The following AJAP1 variants were observed in gnomAD, a reference collection of about 807,000 sequenced individuals.
AJAP1 encodes the protein adherens junctions associated protein 1.
In AJAP1, 5 loss-of-function variants were observed where a neutral mutation model predicts 35.0. The ratio of observed to expected loss-of-function variants is 0.14; its 90% CI spans 0.07 to 0.30. AJAP1 has a LOEUF of 0.30. AJAP1 is among the 10% of genes least tolerant of loss of function. The probability of loss-of-function intolerance (pLI) is 1.00; values close to 1 mark genes in which losing one functional copy is unlikely to be tolerated. For synonymous variants in AJAP1, 284 were observed against 249.3 expected, an observed-to-expected ratio of 1.14 and a Z score of -1.31; for missense variants, 586 against 571.0, an observed-to-expected ratio of 1.03 and a Z score of -0.27.
At position 4,787,776 on chromosome 1, in the gene AJAP1, T is replaced by G; in HGVS notation, c.*5291T>G. 1 of 454,954 alleles carries G rather than the reference T, an allele frequency of 2.2e-6. No homozygotes were observed. Among genetic ancestry groups the G allele is most frequent in the South Asian group, 1.6e-5 (1 of 64,386 alleles). 28.2% of individuals were successfully genotyped at this position (454,954 alleles called of 1,614,324 possible). On this transcript the variant is annotated 3_prime_UTR_variant, in exon 6 of 6. Transcript: ENST00000378191. ...GATAAGGGGGTTCAACGTCAGCGAC[T>G]TGGCCCACGGGGCACGGGCACCTTG...
At position 4,705,683 on chromosome 1, in the gene AJAP1, C is replaced by T. The variant is rs544863167; in HGVS notation, c.30-6217C>T. ...AAGGCCGGTCTCATCACGGGACACA[C>T]TTCAGACCAATCAATCAATGAAGAG... On this transcript the variant is annotated intron_variant, in intron 1 of 5. Coordinates refer to ENST00000378191, the MANE Select transcript of AJAP1 (RefSeq NM_018836.4). Among the ~76,000 whole-genome samples, 13 of 152,086 alleles carry T rather than the reference C, an allele frequency of 8.5e-5. 1 individual carries two copies. The East Asian group carries it at 2.5e-3, about 30-fold the overall frequency.
At chr1:4,659,600 C>T (rs932375426) in intron 1 of AJAP1, among the ~76,000 whole-genome samples, 1 of 152,136 alleles carries the variant, frequency 6.6e-6, no homozygotes, top group Non-Finnish European at 1.5e-5. Context: ...TTGGGCGTGT[C>T]CCCAAGTACA....
chr1:4,720,407 A>G lies in AJAP1; in HGVS notation c.829+7708A>G, dbSNP rs1259317782. Among the ~76,000 whole-genome samples the G allele has an allele frequency of 1.3e-5, 2 of 152,214 alleles. No homozygotes were observed. Among genetic ancestry groups the G allele is most frequent in the Non-Finnish European group, 2.9e-5 (2 of 68,042 alleles). ...GTTTGTTGGAGGAACAGAGAGGCTG[A>G]AAATCTCCCTCCAGAGGTGACTGAT... On this transcript the variant is annotated intron_variant, in intron 2 of 5. Coordinates refer to ENST00000378191, the MANE Select transcript of AJAP1 (RefSeq NM_018836.4). The surrounding 1 kb of genome is among the most constrained non-coding windows in gnomAD (Gnocchi z 4.4).
chr1:4,733,737 C>T (rs542941030), intron 2 of AJAP1, among the ~76,000 whole-genome samples: 3 of 152,054 alleles, frequency 2.0e-5, no homozygotes, highest in Non-Finnish European at 4.4e-5. Flanking sequence ...CCACCCCTCC[C>T]CTTGTTCTCC....
At chr1:4,682,804 AATG>A (rs764081435) in intron 1 of AJAP1, among the ~76,000 whole-genome samples, 2 of 146,342 alleles carry the variant, frequency 1.4e-5, no homozygotes, top group Non-Finnish European at 3.0e-5. Flanking sequence ...TAATGATGAT[AATG>A]ATGATAGTGG....
intron 1 of AJAP1, among the ~76,000 whole-genome samples, chr1:4,674,042 CAAAAA>C (rs57335438): frequency 1.7e-4 from 14 of 81,940 alleles, no homozygotes; most frequent in East Asian, 8.0e-4. Context: ...CCCCCGCCAC[CAAAAA>C]AAAAAAAAAA....
At chr1:4,665,047 G>A (rs1270652074) in intron 1 of AJAP1, among the ~76,000 whole-genome samples, 1 of 152,056 alleles carries the variant, frequency 6.6e-6, no homozygotes, top group Non-Finnish European at 1.5e-5. Context: ...GGAAAGGAGT[G>A]TGGTAAAATG....
At chr1:4,670,169 G>A (rs1022670670) in intron 1 of AJAP1, among the ~76,000 whole-genome samples, 13 of 152,270 alleles carry the variant, frequency 8.5e-5, no homozygotes, top group African/African-American at 3.1e-4. Context: ...TCTCATCCTA[G>A]ATTGCAGACA....
chr1:4,734,826 G>A lies in AJAP1; in HGVS notation c.829+22127G>A, dbSNP rs146711870. Among the ~76,000 whole-genome samples, 2 of 152,268 alleles carry A rather than the reference G, an allele frequency of 1.3e-5. No individual in the cohort carries two copies. The highest frequency in any genetic ancestry group is 2.4e-5 in the African/African-American group (1 of 41,546). ...CCCCCGGACAAGGTTTCTAAGGCCC[G>A]GGAAGCATCTTCTGCTTCCGAGGCC... On this transcript the variant is annotated intron_variant, in intron 2 of 5. Coordinates refer to ENST00000378191, the MANE Select transcript of AJAP1 (RefSeq NM_018836.4). The surrounding 1 kb of genome is among the most constrained non-coding windows in gnomAD (Gnocchi z 4.3).
At position 4,786,219 on chromosome 1, in the gene AJAP1, C is replaced by T. The variant is rs1642159631; in HGVS notation, c.*3734C>T. The T allele has an allele frequency of 6.6e-6, 1 of 152,108 alleles. No individual in the cohort carries two copies. Among genetic ancestry groups the T allele is most frequent in the South Asian group, 2.1e-4 (1 of 4,822 alleles). 9.4% of individuals were successfully genotyped at this position (152,108 alleles called of 1,614,324 possible). A position where few individuals can be genotyped will look rare whatever the true frequency, so the allele number is the denominator to read the frequency against. On this transcript the variant is annotated 3_prime_UTR_variant, in exon 6 of 6. Coordinates refer to ENST00000378191, the MANE Select transcript of AJAP1 (RefSeq NM_018836.4). ...GGCTGCTAGTGTTCCTATTTACTGC[C>T]CTCCTTGCACACAGAAGGGAGAGGC...
rs753557978 is a variant in AJAP1 at position 4,712,333 on chromosome 1, G to A, written c.463G>A (p.Gly155Ser). ...APEQQALLRR[G>S]KRHLQGDGLS... ...GGAGCAGCAGGCCCTCCTGAGGAGG[G>A]GCAAGAGGCACCTGCAGGGGGACGG... Residue 155 changes from glycine (G) to serine (S), a missense_variant, in exon 2 of 6, where the codon GGC (glycine) becomes AGC (serine). Physicochemically the swap from Gly to Ser is moderately conservative, Grantham distance 56. Transcript: ENST00000378191. 1 of 1,495,760 alleles carries A rather than the reference G, an allele frequency of 6.7e-7. No homozygotes were observed. Among genetic ancestry groups the A allele is most frequent in the Non-Finnish European group, 8.9e-7 (1 of 1,120,598 alleles). The allele number at this position is 1,495,760 out of a possible 1,614,324, so 92.7% of individuals were successfully genotyped here.
intron 2 of AJAP1, among the ~76,000 whole-genome samples, chr1:4,766,199 C>T (rs927958619): frequency 1.3e-5 from 2 of 148,194 alleles, no homozygotes; most frequent in African/African-American, 4.9e-5. Context: ...TGCTTCTTTG[C>T]CCATTGTCTG....
intron 2 of AJAP1, among the ~76,000 whole-genome samples, chr1:4,766,977 T>A (rs749539622): frequency 6.6e-6 from 1 of 152,116 alleles, no homozygotes; most frequent in African/African-American, 2.4e-5. Context: ...GCTGTTGTAT[T>A]GCGTGTGTGT....
chr1:4,739,301 G>T (rs191509814), intron 2 of AJAP1, among the ~76,000 whole-genome samples: 1 of 152,310 alleles, frequency 6.6e-6, no homozygotes, highest in East Asian at 1.9e-4. Flanking sequence ...GCAAGTATCG[G>T]CAGGCTTTGG....
Position 4,753,027 on chromosome 1 carries a change from C to T in AJAP1, c.830-16826C>T, listed in dbSNP as rs182010132. 1.9e-3 allele frequency among the ~76,000 whole-genome samples: 294 copies of T among 152,290 alleles called. 2 individuals carry two copies. The highest frequency in any genetic ancestry group is 6.6e-3 in the African/African-American group (275 of 41,548). ...CCCCTTGTATGACCTTCTCTCCATC[C>T]GTACCATCCCTGCCTCTAAAGATGC... On this transcript the variant is annotated intron_variant, in intron 2 of 5. Transcript: ENST00000378191.
rs1426534974 is a variant in AJAP1 at position 4,692,578 on chromosome 1, C to T, written c.30-19322C>T. ...AGCCTGGCCTCCGCAGGCCTCCTGACCATGGCGGGGCCTTCCCTAGTGGAC... is the reference window on the plus strand; with the variant it reads ...AGCCTGGCCTCCGCAGGCCTCCTGATCATGGCGGGGCCTTCCCTAGTGGAC... On this transcript the variant is annotated intron_variant, in intron 1 of 5. Coordinates refer to ENST00000378191, the MANE Select transcript of AJAP1 (RefSeq NM_018836.4). This position sits in a 1 kb window ranked among gnomAD's most constrained non-coding sequence, Gnocchi z 4.4. Among the ~76,000 whole-genome samples, 2 of 152,218 alleles carry T rather than the reference C, an allele frequency of 1.3e-5. No individual in the cohort carries two copies. The highest frequency in any genetic ancestry group is 2.9e-5 in the Non-Finnish European group (2 of 68,040).
At chr1:4,664,178 A>G (rs1639065046) in intron 1 of AJAP1, among the ~76,000 whole-genome samples, 1 of 152,164 alleles carries the variant, frequency 6.6e-6, no homozygotes, top group Non-Finnish European at 1.5e-5. Context: ...CCCGCACTCA[A>G]ACCCAGGCAC....
chr1:4,688,104 G>T (rs1026963831), intron 1 of AJAP1, among the ~76,000 whole-genome samples: 1 of 152,226 alleles, frequency 6.6e-6, no homozygotes, highest in Admixed American at 6.5e-5. Flanking sequence ...TGGGGAAGGG[G>T]GCAGCTGAGG....
At chr1:4,697,097 G>C (rs537549490) in intron 1 of AJAP1, among the ~76,000 whole-genome samples, 2 of 152,300 alleles carry the variant, frequency 1.3e-5, no homozygotes, top group East Asian at 3.9e-4. Flanking sequence ...TGTGTTTTCT[G>C]TATATGCATG....
Sources: allele counts gnomAD v4.1 joint callset (sites outside exome capture counted in the v4.1 genomes callset), GRCh38; gene constraint gnomAD v4.1.1; non-coding constraint Gnocchi (gnomAD v3.1); transcripts MANE v1.5; gene names NCBI Gene and HGNC (gene_info 2026-07-23, HGNC 2026-07-21).